Variants in PRPF40B observed in about 807,000 individuals in gnomAD.
PRPF40B encodes pre-mRNA processing factor 40B, also known as pre-mRNA-processing factor 40 homolog B.
Under a neutral mutation model 124.5 loss-of-function variants are expected in PRPF40B, and 56 were observed. The ratio of observed to expected loss-of-function variants is 0.45; its 90% CI spans 0.36 to 0.56. PRPF40B has a LOEUF of 0.56. PRPF40B is among the 20% of genes least tolerant of loss of function. The pLI is 0.00. For synonymous variants in PRPF40B, 443 were observed against 426.4 expected (o/e 1.04, Z -0.48); for missense variants, 1,053 against 1,169.5 (o/e 0.90, Z 1.45).
At position 49,632,996 on chromosome 12, in the gene PRPF40B, G is replaced by GGGGGGGGGCCCCCCCCCCC; in HGVS notation, c.349-18_349-17insGGGGGGGGCCCCCCCCCCC. 1.7e-6 allele frequency: 2 copies of GGGGGGGGGCCCCCCCCCCC among 1,147,394 alleles called. No individual in the cohort carries two copies. Among genetic ancestry groups the GGGGGGGGGCCCCCCCCCCC allele is most frequent in the Non-Finnish European group, 2.4e-6 (2 of 823,010 alleles). 71.1% of individuals were successfully genotyped at this position (1,147,394 alleles called of 1,614,324 possible). On this transcript the variant is annotated splice_polypyrimidine_tract_variant and intron_variant, in intron 6 of 25. Transcript: ENST00000548825. ...AAAGGGGCCTTGACCACCATTCTGT[G>GGGGGGGGGCCCCCCCCCCC]CCCCCCCCCCCACCCAGAGGGCCCT...
In PRPF40B at chr12:49,635,141, C is replaced by CT; in HGVS notation, c.1045dup (p.Tyr349LeufsTer32). 6.2e-7 allele frequency: 1 copy of CT among 1,614,032 alleles called. No individual in the cohort carries two copies. The highest frequency in any genetic ancestry group is 8.5e-7 in the Non-Finnish European group (1 of 1,180,032). Reference sequence around the variant, plus strand: ...GTGAGAAAAAGCAGGCATTCAATGCCTACAAGGCGCAGCGGGAGAAGGAGG... The same window carrying CT: ...GTGAGAAAAAGCAGGCATTCAATGCCTTACAAGGCGCAGCGGGAGAAGGAGG... On this transcript the variant is annotated frameshift_variant, in exon 13 of 26. Coordinates refer to ENST00000548825, the MANE Select transcript of PRPF40B (RefSeq NM_001031698.3). LOFTEE classifies it high-confidence loss of function. The surrounding 1 kb of genome is among the most constrained non-coding windows in gnomAD (Gnocchi z 4.1).
Position 49,633,938 on chromosome 12 carries a change from C to G in PRPF40B, c.658C>G (p.Gln220Glu). 1.2e-6 allele frequency: 2 copies of G among 1,614,252 alleles called. No individual in the cohort carries two copies. The highest frequency in any genetic ancestry group is 2.2e-5 in the South Asian group (2 of 91,086). The change falls in exon 10 of 26, where the codon CAG becomes GAG. Residue 220 changes from glutamine to glutamate, a missense_variant. Gln to Glu is a conservative substitution (Grantham distance 29, BLOSUM62 2). Coordinates refer to ENST00000548825, the MANE Select transcript of PRPF40B (RefSeq NM_001031698.3). ...QTLQPQPPQP[Q>E]PDPPPVPPGP... ...ACTTCAGCCACAGCCACCTCAGCCA[C>G]AGCCTGACCCCCCACCTGTGCCTCC...
rs1170423237 is a variant in PRPF40B, at chr12:49,631,697, C to T, written c.228+153C>T. Among the ~76,000 whole-genome samples the T allele has an allele frequency of 6.6e-6, 1 of 152,232 alleles. No individual in the cohort carries two copies. Among genetic ancestry groups the T allele is most frequent in the Non-Finnish European group, 1.5e-5 (1 of 68,042 alleles). Reference sequence around the variant, plus strand: ...TTTGTCTGCTGAATGACTGAGACAACTCTCAGGCAAGGTGAGAGGCCAGAA... The same window carrying T: ...TTTGTCTGCTGAATGACTGAGACAATTCTCAGGCAAGGTGAGAGGCCAGAA... On this transcript the variant is annotated intron_variant, in intron 3 of 25. Transcript: ENST00000548825. This position sits in a 1 kb window ranked among gnomAD's most constrained non-coding sequence, Gnocchi z 4.3.
chr12:49,627,814 G>A (rs1282809196), intron 1 of PRPF40B, among the ~76,000 whole-genome samples: 1 of 152,140 alleles, frequency 6.6e-6, no homozygotes, highest in Non-Finnish European at 1.5e-5. Flanking sequence ...ATGGTGGCTT[G>A]GGCAAGATGG....
At position 49,633,953 on chromosome 12, in the gene PRPF40B, C is replaced by A. The variant is rs149593115; in HGVS notation, c.673C>A (p.Pro225Thr). Residue 225 changes from proline to threonine, a missense_variant, in exon 10 of 26, where the codon CCT becomes ACT. By Grantham distance (38) the Pro-to-Thr change is conservative. Transcript: ENST00000548825. ...ACCTCAGCCACAGCCTGACCCCCCA[C>A]CTGTGCCTCCTGGCCCCACCCCAGT... Reference protein sequence around the residue: ...QPPQPQPDPPPVPPGPTPVPT... With the variant: ...QPPQPQPDPPTVPPGPTPVPT... The A allele has an allele frequency of 1.2e-6, 2 of 1,614,130 alleles. No homozygotes were observed. Among genetic ancestry groups the A allele is most frequent in the African/African-American group, 2.7e-5 (2 of 74,952 alleles).
chr12:49,624,627 A>G (rs975533090), intron 1 of PRPF40B, among the ~76,000 whole-genome samples: 1 of 152,224 alleles, frequency 6.6e-6, no homozygotes, highest in Non-Finnish European at 1.5e-5. Flanking sequence ...AGGCGGGCGA[A>G]TCACCTGAGG....
chr12:49,636,070 C>T, intron 15 of PRPF40B, 77 bp downstream of exon 15: 13 of 1,569,888 alleles, frequency 8.3e-6, no homozygotes, highest in Non-Finnish European at 1.1e-5. Context: ...CTGCCTCACC[C>T]CACTCCCCTG....
intron 12 of PRPF40B, 184 bp downstream of exon 12, chr12:49,634,786 G>A: frequency 1.5e-6 from 1 of 672,034 alleles, no homozygotes; most frequent in Non-Finnish European, 2.5e-6. Context: ...AAAGGTATCT[G>A]ACACAACACG....
intron 1 of PRPF40B, among the ~76,000 whole-genome samples, chr12:49,629,040 C>T (rs929434255): frequency 1.3e-5 from 2 of 152,228 alleles, no homozygotes; most frequent in Non-Finnish European, 2.9e-5. Context: ...GGGCTGGGCC[C>T]TTTAGCTGCA....
Position 49,642,386 on chromosome 12 carries a change from C to G in PRPF40B, c.2022+14C>G. The G allele has an allele frequency of 6.2e-7, 1 of 1,612,946 alleles. No individual in the cohort carries two copies. Among genetic ancestry groups the G allele is most frequent in the Middle Eastern group, 1.7e-4 (1 of 5,870 alleles). On this transcript the variant is annotated intron_variant, in intron 20 of 25. Coordinates refer to ENST00000548825, the MANE Select transcript of PRPF40B (RefSeq NM_001031698.3). This position sits in a 1 kb window ranked among gnomAD's most constrained non-coding sequence, Gnocchi z 5.8. ...GCCTGGGAAGAGGTCAGGAGCGTAG[C>G]CTGGCCCCAAGCACCCCTCAAGCCT...
intron 1 of PRPF40B, among the ~76,000 whole-genome samples, chr12:49,629,943 G>A (rs1362035680): frequency 6.6e-6 from 1 of 152,234 alleles, no homozygotes; most frequent in Non-Finnish European, 1.5e-5. Context: ...GATGAAGTTG[G>A]CGATTGGAAG....
upstream of PRPF40B, chr12:49,623,268 A>G (rs557857236): frequency 1.2e-3 from 191 of 163,042 alleles, no homozygotes; most frequent in Non-Finnish European, 2.2e-3. Flanking sequence ...CGAAGCCAGG[A>G]CGCAGGCAGC....
chr12:49,633,233 G>A (rs1941416014), intron 7 of PRPF40B, 109 bp downstream of exon 7: 3 of 1,270,008 alleles, frequency 2.4e-6, no homozygotes, highest in African/African-American at 1.5e-5. Context: ...CTGATCCCAA[G>A]GTCCCTGACC....
chr12:49,644,246 A>G lies in PRPF40B; in HGVS notation c.*54A>G. 6.3e-7 allele frequency: 1 copy of G among 1,586,750 alleles called. No individual in the cohort carries two copies. Among genetic ancestry groups the G allele is most frequent in the Non-Finnish European group, 8.6e-7 (1 of 1,156,860 alleles). On this transcript the variant is annotated 3_prime_UTR_variant, in exon 26 of 26. Coordinates refer to ENST00000548825, the MANE Select transcript of PRPF40B (RefSeq NM_001031698.3). Reference sequence around the variant, plus strand: ...TGTGTGAGGCCATGGCTCCTGGGCCACCCTCACCGTCTGCCTCAGACTTCT... The same window carrying G: ...TGTGTGAGGCCATGGCTCCTGGGCCGCCCTCACCGTCTGCCTCAGACTTCT...
rs181229887 is a variant in PRPF40B at position 49,633,561 on chromosome 12, C to T, written c.580+14C>T. 169 of 1,614,250 alleles carry T rather than the reference C, an allele frequency of 1.0e-4. 1 individual carries two copies. In the African/African-American group the frequency reaches 1.1e-3, roughly 11 times the overall value. ...ATGACCTAGAGGGTGAGATGTCCTA[C>T]GGGTGGGCCAGGTCAGGAGCTCTGG... is the stretch of plus-strand genomic sequence containing the variant. On this transcript the variant is annotated intron_variant, in intron 8 of 25. Coordinates refer to ENST00000548825, the MANE Select transcript of PRPF40B (RefSeq NM_001031698.3).
At chr12:49,623,440 G>T, upstream of PRPF40B, 1 of 811,864 alleles carries the variant, frequency 1.2e-6, no homozygotes. Flanking sequence ...GGCCGGTTGG[G>T]GCCCCGCTCG....
In PRPF40B at chr12:49,635,256, C is replaced by G. The variant is rs752607164; in HGVS notation, c.1159C>G (p.Arg387Gly). The G allele has an allele frequency of 6.2e-7, 1 of 1,612,844 alleles. No individual in the cohort carries two copies. The highest frequency in any genetic ancestry group is 8.5e-7 in the Non-Finnish European group (1 of 1,179,400). Residue 387 changes from arginine (R) to glycine (G), a missense_variant, in exon 13 of 26, where the codon CGC becomes GGC. Coordinates refer to ENST00000548825, the MANE Select transcript of PRPF40B (RefSeq NM_001031698.3). This position sits in a 1 kb window ranked among gnomAD's most constrained non-coding sequence, Gnocchi z 4.1. Reference protein sequence around the residue: ...EQHERMTSTTRYRRAEQTFGE... With the variant: ...EQHERMTSTTGYRRAEQTFGE... Reference sequence around the variant, plus strand: ...GCATGAACGCATGACCTCCACCACCCGCTACCGGTCAGGGGGCCAGGCTGG... The same window carrying G: ...GCATGAACGCATGACCTCCACCACCGGCTACCGGTCAGGGGGCCAGGCTGG...
In PRPF40B at chr12:49,635,146, A is replaced by G. The variant is rs145262249; in HGVS notation, c.1049A>G (p.Lys350Arg). Reference sequence around the variant, plus strand: ...AAAAAGCAGGCATTCAATGCCTACAAGGCGCAGCGGGAGAAGGAGGAGAAG... The same window carrying G: ...AAAAAGCAGGCATTCAATGCCTACAGGGCGCAGCGGGAGAAGGAGGAGAAG... ...SEKKQAFNAY[K>R]AQREKEEKEE... The change falls in exon 13 of 26, where the codon AAG (lysine) becomes AGG (arginine). Residue 350 changes from lysine (K) to arginine (R), a missense_variant. Coordinates refer to ENST00000548825, the MANE Select transcript of PRPF40B (RefSeq NM_001031698.3). This position sits in a 1 kb window ranked among gnomAD's most constrained non-coding sequence, Gnocchi z 4.1. 1.9e-6 allele frequency: 3 copies of G among 1,613,962 alleles called. No homozygotes were observed. The highest frequency in any genetic ancestry group is 2.7e-5 in the African/African-American group (2 of 74,930).
At position 49,635,380 on chromosome 12, in the gene PRPF40B, C is replaced by T. The variant is rs1941676216; in HGVS notation, c.1182C>T (p.Thr394=). The change falls in exon 14 of 26, where the codon ACC becomes ACT. Residue 394 remains threonine, a synonymous_variant. Coordinates refer to ENST00000548825, the MANE Select transcript of PRPF40B (RefSeq NM_001031698.3). This position sits in a 1 kb window ranked among gnomAD's most constrained non-coding sequence, Gnocchi z 4.1. ...TGCTCCACAGGCGGGCAGAACAGAC[C>T]TTTGGGGAGCTGGAGGTCTGGGCTG... ...STTRYRRAEQ[T]FGELEVWAVV... is the part of the protein sequence containing the mutation. The T allele has an allele frequency of 1.2e-6, 2 of 1,613,732 alleles. No homozygotes were observed. Among genetic ancestry groups the T allele is most frequent in the Non-Finnish European group, 1.7e-6 (2 of 1,179,818 alleles).
Sources: gnomAD v4.1 joint callset for allele counts (sites outside exome capture counted in the v4.1 genomes callset) on GRCh38, gnomAD v4.1.1 for gene constraint, Gnocchi (gnomAD v3.1) non-coding constraint, MANE v1.5 for transcripts, NCBI Gene and HGNC (gene_info 2026-07-23, HGNC 2026-07-21) for gene names.